The following TNRC6C variants were observed in gnomAD, a reference collection of about 807,000 sequenced individuals.
TNRC6C encodes trinucleotide repeat-containing gene 6C protein.
In TNRC6C, 20 loss-of-function variants were observed where a neutral mutation model predicts 153.7. That is an observed-to-expected ratio of 0.13 (90% CI 0.09 to 0.19). TNRC6C has a LOEUF of 0.19. Ranked by LOEUF, TNRC6C falls within the 10% of genes least tolerant of loss-of-function variation. The pLI is 1.00. For missense variants in TNRC6C, 1,987 were observed against 2,172.0 expected (o/e 0.91, Z 1.69); for synonymous variants, 811 against 841.4 (o/e 0.96, Z 0.63).
At chr17:78,086,544 C>G in exon 12 of TNRC6C, 2 of 1,613,790 alleles carry the variant, frequency 1.2e-6, no homozygotes, top group Non-Finnish European at 8.5e-7. Flanking sequence ...TGTTACAGGC[C>G]CAGCGTAATG....
At chr17:78,059,528 A>C (rs1270875405) in intron 3 of TNRC6C, among the ~76,000 whole-genome samples, 1 of 152,326 alleles carries the variant, frequency 6.6e-6, no homozygotes, top group East Asian at 1.9e-4. Flanking sequence ...TCAATTCAAA[A>C]TAGATAAATG....
exon 4 of TNRC6C, chr17:78,064,900 T>C (rs779803354): frequency 1.2e-6 from 2 of 1,611,930 alleles, no homozygotes; most frequent in Non-Finnish European, 1.7e-6. Flanking sequence ...TTGGAAGAGC[T>C]GGCGCACCTG....
intron 1 of TNRC6C, among the ~76,000 whole-genome samples, chr17:77,992,233 C>G (rs1209873890): frequency 2.0e-5 from 1 of 50,484 alleles, no homozygotes; most frequent in Non-Finnish European, 3.4e-5. Flanking sequence ...GGCGCGGTGG[C>G]TCACGCCTGT....
intron 3 of TNRC6C, among the ~76,000 whole-genome samples, chr17:78,057,935 G>C (rs1468503727): frequency 6.6e-6 from 1 of 152,154 alleles, no homozygotes; most frequent in Non-Finnish European, 1.5e-5. Context: ...AAAACTGGTA[G>C]TATTTTAGGA....
At chr17:78,086,374 C>A (rs1323162190) in intron 11 of TNRC6C, 129 bp from the exon 14 acceptor site, 1 of 577,668 alleles carries the variant, frequency 1.7e-6, no homozygotes, top group Admixed American at 3.3e-5. Context: ...TATGTGTCAG[C>A]CACAGTATGG....
chr17:78,040,990 G>C (rs568832447), intron 2 of TNRC6C: 7 of 152,086 alleles, frequency 4.6e-5, no homozygotes, highest in Non-Finnish European at 8.8e-5. Flanking sequence ...AGCTCTACAG[G>C]AGGCGGCTCT....
chr17:78,037,837 C>T (rs1010064226), intron 2 of TNRC6C, among the ~76,000 whole-genome samples: 6 of 152,042 alleles, frequency 3.9e-5, no homozygotes, highest in African/African-American at 7.2e-5. Context: ...TCTAGAAGAG[C>T]GAATGTACGT....
chr17:78,050,907 T>G (rs1246167069), exon 3 of TNRC6C: 1 of 1,613,358 alleles, frequency 6.2e-7, no homozygotes, highest in East Asian at 2.2e-5. Flanking sequence ...GGAAAAAAAA[T>G]GGATCTGGAT....
intron 1 of TNRC6C, among the ~76,000 whole-genome samples, chr17:78,021,602 C>A (rs1324815250): frequency 6.6e-6 from 1 of 152,172 alleles, no homozygotes; most frequent in Non-Finnish European, 1.5e-5. Flanking sequence ...TAGAGTCTCA[C>A]TCTGTCACCC....
exon 3 of TNRC6C, chr17:78,051,124 A>T: frequency 2.5e-6 from 4 of 1,584,616 alleles, no homozygotes; most frequent in Non-Finnish European, 3.4e-6. Context: ...TGTGAAACAG[A>T]CAGGAACAGG....
intron 1 of TNRC6C, among the ~76,000 whole-genome samples, chr17:78,031,189 A>C (rs891989497): frequency 6.6e-6 from 1 of 152,118 alleles, no homozygotes; most frequent in East Asian, 1.9e-4. Context: ...GGAGGTTGGC[A>C]CCAGGTGTCT....
chr17:78,030,314 T>TTC (rs1567924142), intron 1 of TNRC6C, among the ~76,000 whole-genome samples: 5 of 142,312 alleles, frequency 3.5e-5, no homozygotes, highest in African/African-American at 1.2e-4. Flanking sequence ...CACACCTGGC[T>TTC]TGTGTGTGTG....
intron 1 of TNRC6C, among the ~76,000 whole-genome samples, chr17:78,009,529 G>A (rs1218008241): frequency 1.3e-5 from 2 of 152,050 alleles, no homozygotes; most frequent in Non-Finnish European, 2.9e-5. Context: ...ACCCATTATG[G>A]TTCATGGTCC....
At chr17:78,053,162 C>T (rs1393509608) in intron 3 of TNRC6C, among the ~76,000 whole-genome samples, 4 of 152,142 alleles carry the variant, frequency 2.6e-5, no homozygotes, top group African/African-American at 9.7e-5. Context: ...ATCAAGCTTG[C>T]GCTGCTGTTC....
upstream of TNRC6C, among the ~76,000 whole-genome samples, chr17:78,001,477 T>C (rs996402915): frequency 1.3e-5 from 2 of 152,126 alleles, no homozygotes; most frequent in Non-Finnish European, 1.5e-5. Context: ...GGTGAAGATG[T>C]ATGAATAGAA....
rs2073146742 is a variant in TNRC6C, at chr17:78,079,813, A to G, written c.3357+272A>G. On this transcript the variant is annotated intron_variant, in intron 10 of 19. Transcript: ENST00000301624. The surrounding 1 kb of genome is among the most constrained non-coding windows in gnomAD (Gnocchi z 4.3). ...TGGCATCTTCCTGGTCAGAAGCAAT[A>G]TTGAGGGGGAAGGACCTGCCCAACA... Among the ~76,000 whole-genome samples, 1 of 152,052 alleles carries G rather than the reference A, an allele frequency of 6.6e-6. No homozygotes were observed.
At chr17:78,005,325 A>C (rs1326452891) in intron 1 of TNRC6C, among the ~76,000 whole-genome samples, 3 of 152,134 alleles carry the variant, frequency 2.0e-5, no homozygotes, top group Non-Finnish European at 4.4e-5. Context: ...AATGCTTTTA[A>C]ATTTTCTTTT....
chr17:78,043,283 T>C (rs1467246389), intron 2 of TNRC6C, among the ~76,000 whole-genome samples: 1 of 152,232 alleles, frequency 6.6e-6, no homozygotes, highest in Non-Finnish European at 1.5e-5. Flanking sequence ...GGCCACAGTG[T>C]GGCCCCGAGG....
At chr17:78,008,863 C>T (rs1308451278) in intron 1 of TNRC6C, 1 of 152,158 alleles carries the variant, frequency 6.6e-6, no homozygotes, top group Non-Finnish European at 1.5e-5. Flanking sequence ...TTGAATGCAT[C>T]TCTCTATGAA....
Sources: allele counts gnomAD v4.1 joint callset (sites outside exome capture counted in the v4.1 genomes callset), GRCh38; gene constraint gnomAD v4.1.1; non-coding constraint Gnocchi (gnomAD v3.1); transcripts MANE v1.5; gene names NCBI Gene and HGNC (gene_info 2026-07-23, HGNC 2026-07-21).